The following MDFIC2 variants were observed in gnomAD, a reference collection of about 807,000 sequenced individuals.
MDFIC2 encodes MyoD family inhibitor domain containing 2, also known as myoD family inhibitor domain-containing protein 2.
chr3:70,302,203 T>A (rs984956515), intron 2 of MDFIC2, among the ~76,000 whole-genome samples: 1 of 152,182 alleles, frequency 6.6e-6, no homozygotes, highest in African/African-American at 2.4e-5. Flanking sequence ...GTTGAAATGA[T>A]TTATGCCTGT....
At chr3:70,267,028 T>C (rs1701922497) in intron 2 of MDFIC2, among the ~76,000 whole-genome samples, 2 of 152,138 alleles carry the variant, frequency 1.3e-5, no homozygotes, top group Non-Finnish European at 2.9e-5. Context: ...AGCTAAACTC[T>C]CATGAAATAG....
intron 2 of MDFIC2, among the ~76,000 whole-genome samples, chr3:70,251,521 G>A (rs923124136): frequency 6.6e-6 from 1 of 152,120 alleles, no homozygotes; most frequent in South Asian, 2.1e-4. Context: ...TATAGGCATA[G>A]CCTTGCTCTG....
At chr3:70,217,117 A>C (rs966789640) in intron 2 of MDFIC2, among the ~76,000 whole-genome samples, 8 of 152,074 alleles carry the variant, frequency 5.3e-5, no homozygotes, top group Non-Finnish European at 5.9e-5. Context: ...CCCTTGACCA[A>C]AATGCTGCCT....
In MDFIC2 at chr3:70,196,288, C is replaced by T. The variant is rs1701179007; in HGVS notation, c.*638G>A. Among the ~76,000 whole-genome samples, 4 of 152,250 alleles carry T rather than the reference C, an allele frequency of 2.6e-5. No individual in the cohort carries two copies. In the South Asian group the frequency reaches 8.3e-4, roughly 32 times the overall value. On this transcript the variant is annotated 3_prime_UTR_variant, in exon 4 of 4. Transcript: ENST00000567252. ...ATATGGTCTAGAATTATAGTACTCT[C>T]TTGAAGTACACCATATTCAAAATTC...
intron 2 of MDFIC2, among the ~76,000 whole-genome samples, chr3:70,262,562 T>C (rs896222683): frequency 6.6e-6 from 1 of 152,144 alleles, no homozygotes; most frequent in African/African-American, 2.4e-5. Context: ...ATAAAGGAAT[T>C]TTGAAGTTAT....
At chr3:70,274,056 C>CAT (rs1553650989) in intron 2 of MDFIC2, among the ~76,000 whole-genome samples, 2 of 142,852 alleles carry the variant, frequency 1.4e-5, no homozygotes, top group African/African-American at 2.6e-5. Flanking sequence ...ATTAAACCTC[C>CAT]GTGTGTGTGT....
chr3:70,270,463 T>C (rs73102621), intron 2 of MDFIC2, among the ~76,000 whole-genome samples: 9,613 of 152,290 alleles, frequency 0.063, 372 homozygotes, highest in South Asian at 0.12. Flanking sequence ...CATTCACTTG[T>C]TGACAGTGGC....
At chr3:70,205,052 C>T (rs1701277746) in intron 3 of MDFIC2, 1 of 152,088 alleles carries the variant, frequency 6.6e-6, no homozygotes. Flanking sequence ...AATTCAGAGT[C>T]ATAATCTGAT....
intron 2 of MDFIC2, among the ~76,000 whole-genome samples, chr3:70,295,470 G>T (rs946877740): frequency 3.9e-5 from 6 of 152,020 alleles, no homozygotes; most frequent in Non-Finnish European, 7.4e-5. Flanking sequence ...TTGGGAGGCC[G>T]AGTGAGATAA....
intron 2 of MDFIC2, among the ~76,000 whole-genome samples, chr3:70,235,793 C>A (rs1701600843): frequency 6.6e-6 from 1 of 152,154 alleles, no homozygotes. Context: ...AGCCTCATTT[C>A]TTTATCTATA....
intron 2 of MDFIC2, among the ~76,000 whole-genome samples, chr3:70,307,724 G>A (rs1702415796): frequency 6.6e-6 from 1 of 152,026 alleles, no homozygotes; most frequent in Non-Finnish European, 1.5e-5. Context: ...ATATTTACAG[G>A]CTCATATCAC....
chr3:70,303,605 C>G lies in MDFIC2; in HGVS notation c.88+8281G>C, dbSNP rs370310628. ...AGCCAGAATCAGTATATGTTATTTT[C>G]CTCTCAAAAACCGATAAAGCTCCCT... On this transcript the variant is annotated intron_variant, in intron 2 of 3. Coordinates refer to ENST00000567252, the MANE Select transcript of MDFIC2 (RefSeq NM_001364677.1). Among the ~76,000 whole-genome samples, 16 of 152,232 alleles carry G rather than the reference C, an allele frequency of 1.1e-4. No homozygotes were observed. In the East Asian group the frequency reaches 2.5e-3, roughly 24 times the overall value.
At chr3:70,233,353 T>C (rs1701579163) in intron 2 of MDFIC2, among the ~76,000 whole-genome samples, 1 of 152,172 alleles carries the variant, frequency 6.6e-6, no homozygotes, top group East Asian at 1.9e-4. Context: ...CGTGGAATAA[T>C]GACCTGTGAC....
intron 2 of MDFIC2, among the ~76,000 whole-genome samples, chr3:70,238,405 T>C (rs924818858): frequency 1.9e-4 from 29 of 151,964 alleles, no homozygotes; most frequent in African/African-American, 7.0e-4. Flanking sequence ...GCCCAGGAGT[T>C]CAAGACTAGC....
intron 2 of MDFIC2, among the ~76,000 whole-genome samples, chr3:70,287,373 T>C (rs1045691086): frequency 2.2e-3 from 334 of 150,992 alleles, no homozygotes; most frequent in Middle Eastern, 0.01. Context: ...TTGATTTGCA[T>C]ATATTGAACC....
At chr3:70,295,080 A>G (rs546550818) in intron 2 of MDFIC2, among the ~76,000 whole-genome samples, 1 of 152,308 alleles carries the variant, frequency 6.6e-6, no homozygotes, top group South Asian at 2.1e-4. Flanking sequence ...ATCATTGGCA[A>G]GGGCAGTGGG....
chr3:70,221,068 C>A (rs1004162195), intron 2 of MDFIC2, among the ~76,000 whole-genome samples: 2 of 152,130 alleles, frequency 1.3e-5, no homozygotes, highest in Non-Finnish European at 2.9e-5. Context: ...ACAACAATAA[C>A]TAGCACTGGT....
intron 2 of MDFIC2, chr3:70,283,850 G>A (rs1702113438): frequency 6.6e-6 from 1 of 151,916 alleles, no homozygotes; most frequent in Non-Finnish European, 1.5e-5. Flanking sequence ...TCTGGATGGT[G>A]AGTACATAAT....
intron 2 of MDFIC2, among the ~76,000 whole-genome samples, chr3:70,225,254 A>G (rs950536085): frequency 1.3e-5 from 2 of 152,202 alleles, no homozygotes; most frequent in African/African-American, 2.4e-5. Context: ...GTTTTTCAAT[A>G]AACTTTTCCC....
Sources: allele counts gnomAD v4.1 joint callset (sites outside exome capture counted in the v4.1 genomes callset), GRCh38; gene constraint gnomAD v4.1.1; transcripts MANE v1.5; gene names NCBI Gene and HGNC (gene_info 2026-07-23, HGNC 2026-07-21).